Variants in FKBP9 observed in about 807,000 individuals in gnomAD.
FKBP9 encodes FKBP prolyl isomerase 9.
FKBP9 carries 27 observed loss-of-function variants against 55.6 expected under a neutral mutation model. That is an observed-to-expected ratio of 0.49 (90% CI 0.36 to 0.67). FKBP9 has a LOEUF of 0.67. FKBP9 is among the 30% of genes least tolerant of loss of function. FKBP9 has a pLI of 0.00. For missense variants in FKBP9, 539 were observed against 742.8 expected (o/e 0.73, Z 3.19); for synonymous variants, 267 against 296.5 (o/e 0.90, Z 1.02).
intron 5 of FKBP9, among the ~76,000 whole-genome samples, chr7:32,985,577 G>C (rs540414140): frequency 1.1e-4 from 17 of 152,300 alleles, no homozygotes; most frequent in Non-Finnish European, 2.4e-4. Context: ...ATAGCTTGCT[G>C]TATACTGCAC....
rs878933690 is a variant in FKBP9, at chr7:32,996,185, G to C, written c.1062G>C (p.Val354=). ...EGRGNIPGSA[V]LVFDIHVIDF... ...TAGGGAATATCCCCGGCTCGGCTGT[G>C]CTGGTGTTTGACATCCATGTGATCG... is the stretch of plus-strand genomic sequence containing the variant. Residue 354 remains valine (V), a synonymous_variant, in exon 7 of 10, where the codon GTG becomes GTC. Transcript: ENST00000242209. 1.2e-6 allele frequency: 2 copies of C among 1,614,148 alleles called. No individual in the cohort carries two copies. The highest frequency in any genetic ancestry group is 1.7e-6 in the Non-Finnish European group (2 of 1,180,032).
At chr7:33,000,033 A>G in intron 7 of FKBP9, 82 bp from the exon 8 acceptor site, 1 of 1,538,330 alleles carries the variant, frequency 6.5e-7, no homozygotes, top group Non-Finnish European at 9.0e-7. Flanking sequence ...AATATCCTAG[A>G]AGTGATGTGT....
chr7:32,981,795 G>A (rs1784481193), intron 5 of FKBP9, among the ~76,000 whole-genome samples: 2 of 151,292 alleles, frequency 1.3e-5, no homozygotes, highest in South Asian at 4.2e-4. Flanking sequence ...TACTCAGGAG[G>A]CTGAGTCAGG....
chr7:32,974,992 C>T (rs1403695989), intron 2 of FKBP9, 190 bp from the exon 3 acceptor site: 22 of 643,372 alleles, frequency 3.4e-5, no homozygotes, highest in Non-Finnish European at 5.1e-5. Flanking sequence ...GAGAAGAAGA[C>T]TGTTTTTTCT....
At chr7:32,966,942 G>C (rs1443297364) in intron 1 of FKBP9, among the ~76,000 whole-genome samples, 1 of 152,138 alleles carries the variant, frequency 6.6e-6, no homozygotes, top group Non-Finnish European at 1.5e-5. Flanking sequence ...TTCAACATGA[G>C]ATTTGGCATG....
chr7:32,980,603 A>G (rs1310398529), intron 5 of FKBP9, 50 bp downstream of exon 5: 6 of 1,590,770 alleles, frequency 3.8e-6, no homozygotes, highest in Non-Finnish European at 5.1e-6. Flanking sequence ...TATTAAATAA[A>G]GTCTGCCATT....
rs1489269282 is a variant in FKBP9 at position 32,996,187 on chromosome 7, T to A, written c.1064T>A (p.Leu355Gln). Residue 355 changes from leucine to glutamine, a missense_variant, in exon 7 of 10, where the codon CTG becomes CAG. This residue lies in a region of FKBP9 where 172 missense variants were observed against 205.3 expected (regional missense o/e 0.84). Transcript: ENST00000242209. ...GRGNIPGSAV[L>Q]VFDIHVIDFH... ...GGGAATATCCCCGGCTCGGCTGTGCTGGTGTTTGACATCCATGTGATCGAC... is the reference window on the plus strand; with the variant it reads ...GGGAATATCCCCGGCTCGGCTGTGCAGGTGTTTGACATCCATGTGATCGAC... 6.2e-7 allele frequency: 1 copy of A among 1,614,206 alleles called. No individual in the cohort carries two copies. Among genetic ancestry groups the A allele is most frequent in the Non-Finnish European group, 8.5e-7 (1 of 1,180,034 alleles).
intron 1 of FKBP9, among the ~76,000 whole-genome samples, chr7:32,964,633 C>T (rs2392166): frequency 0.61 from 88,763 of 146,232 alleles, 25,823 homozygotes; most frequent in South Asian, 0.75. Flanking sequence ...TCCTCTGCAG[C>T]GTTCTCACAC....
intron 7 of FKBP9, among the ~76,000 whole-genome samples, chr7:32,998,163 C>T (rs1026677770): frequency 5.9e-5 from 9 of 152,140 alleles, no homozygotes; most frequent in African/African-American, 1.2e-4. Flanking sequence ...TAGAAGCTAG[C>T]GGGAGGCAGG....
intron 6 of FKBP9, chr7:32,993,054 G>A (rs1289961078): frequency 4.3e-6 from 1 of 232,456 alleles, no homozygotes; most frequent in Non-Finnish European, 8.5e-6. Context: ...TTTGACTGCT[G>A]ACATCAGATC....
intron 1 of FKBP9, among the ~76,000 whole-genome samples, chr7:32,962,008 A>G (rs936186553): frequency 6.6e-6 from 1 of 152,044 alleles, no homozygotes; most frequent in South Asian, 2.1e-4. Context: ...GAATAATCCC[A>G]AAACCATCCC....
At chr7:32,983,555 T>C (rs1450558744) in intron 5 of FKBP9, among the ~76,000 whole-genome samples, 1 of 152,002 alleles carries the variant, frequency 6.6e-6, no homozygotes, top group East Asian at 1.9e-4. Flanking sequence ...CCTCAAGTCA[T>C]CTGCCCGCCT....
intron 5 of FKBP9, among the ~76,000 whole-genome samples, chr7:32,984,561 G>C (rs1178536632): frequency 6.6e-6 from 1 of 152,146 alleles, no homozygotes; most frequent in South Asian, 2.1e-4. Flanking sequence ...CCAGGCCAGA[G>C]GTAATATGTC....
intron 7 of FKBP9, among the ~76,000 whole-genome samples, chr7:32,998,751 AG>A (rs1222318418): frequency 2.6e-5 from 4 of 152,068 alleles, no homozygotes; most frequent in African/African-American, 9.6e-5. Context: ...TGAGCCGGGG[AG>A]GGTGAAGCAG....
At position 32,996,222 on chromosome 7, in the gene FKBP9, C is replaced by T; in HGVS notation, c.1099C>T (p.Pro367Ser). Reference sequence around the variant, plus strand: ...CATCCATGTGATCGACTTCCACAACCCTTCGGACTCCATCAGCATCACCTC... The same window carrying T: ...CATCCATGTGATCGACTTCCACAACTCTTCGGACTCCATCAGCATCACCTC... ...FDIHVIDFHN[P>S]SDSISITSHY... The change falls in exon 7 of 10, where the codon CCT (proline) becomes TCT (serine). Residue 367 changes from proline to serine, a missense_variant. By Grantham distance (74) the Pro-to-Ser change is moderately conservative (BLOSUM62 -1). Transcript: ENST00000242209. 1.9e-6 allele frequency: 3 copies of T among 1,614,116 alleles called. No individual in the cohort carries two copies. The highest frequency in any genetic ancestry group is 2.5e-6 in the Non-Finnish European group (3 of 1,180,000).
intron 5 of FKBP9, among the ~76,000 whole-genome samples, chr7:32,981,896 CAAA>C (rs535925227): frequency 7.1e-5 from 7 of 98,142 alleles, no homozygotes; most frequent in Admixed American, 2.3e-4. Flanking sequence ...GACTCTGTCT[CAAA>C]AAAAAAAAAA....
intron 5 of FKBP9, among the ~76,000 whole-genome samples, chr7:32,987,390 G>C (rs1013857889): frequency 6.6e-6 from 1 of 151,702 alleles, no homozygotes; most frequent in African/African-American, 2.4e-5. Flanking sequence ...AGCCACTTGA[G>C]GGGCTGAGGT....
At chr7:32,995,696 T>G (rs13312448) in intron 6 of FKBP9, among the ~76,000 whole-genome samples, 1 of 152,130 alleles carries the variant, frequency 6.6e-6, no homozygotes, top group Non-Finnish European at 1.5e-5. Flanking sequence ...TTTTTCTTTA[T>G]GAAGTTTATG....
chr7:32,979,006 C>T (rs1421789656), intron 4 of FKBP9, among the ~76,000 whole-genome samples: 6 of 152,116 alleles, frequency 3.9e-5, no homozygotes, highest in Non-Finnish European at 5.9e-5. Context: ...CAGTGGCTGC[C>T]GCCTGTAATC....
Sources: allele counts gnomAD v4.1 joint callset (sites outside exome capture counted in the v4.1 genomes callset), GRCh38; gene constraint gnomAD v4.1.1; regional missense constraint gnomAD v4.1.1; transcripts MANE v1.5; gene names NCBI Gene and HGNC (gene_info 2026-07-23, HGNC 2026-07-21).